The following OPCML variants were observed in gnomAD, a reference collection of about 807,000 sequenced individuals.
OPCML encodes the protein opioid-binding protein/cell adhesion molecule.
Under a neutral mutation model 37.8 loss-of-function variants are expected in OPCML, and 13 were observed. The ratio of observed to expected loss-of-function variants is 0.34; its 90% confidence interval spans 0.22 to 0.55. The LOEUF (loss-of-function observed/expected upper bound fraction) is 0.55, where lower values mean the gene tolerates loss of function less well. OPCML is among the 20% of genes least tolerant of loss of function. OPCML has a pLI of 0.91. For synonymous variants in OPCML, 176 were observed against 168.8 expected (o/e 1.04, Z -0.33); for missense variants, 341 against 435.6 (o/e 0.78, Z 1.93).
chr11:132,679,565 G>T (rs552226608), intron 2 of OPCML, among the ~76,000 whole-genome samples: 14 of 152,192 alleles, frequency 9.2e-5, no homozygotes, highest in Non-Finnish European at 1.9e-4. Context: ...GAAAATAGTT[G>T]CTTGATTGCC....
At chr11:132,532,484 A>C (rs531281969) in intron 3 of OPCML, among the ~76,000 whole-genome samples, 2 of 152,334 alleles carry the variant, frequency 1.3e-5, no homozygotes, top group African/African-American at 4.8e-5. Context: ...AAATGGTGAG[A>C]TAAATAGAAT....
intron 1 of OPCML, chr11:133,297,721 T>G (rs1431396977): frequency 6.6e-6 from 1 of 152,242 alleles, no homozygotes; most frequent in Non-Finnish European, 1.5e-5. Flanking sequence ...ATTTTCCTCC[T>G]GGTAAGTGTA....
At chr11:132,857,894 G>A (rs375511249) in intron 2 of OPCML, among the ~76,000 whole-genome samples, 6 of 152,180 alleles carry the variant, frequency 3.9e-5, no homozygotes, top group South Asian at 2.1e-4. Flanking sequence ...AAAAGGCCCC[G>A]AGACCACAGA....
chr11:133,050,890 G>A (rs10791273), intron 1 of OPCML, among the ~76,000 whole-genome samples: 127,903 of 152,070 alleles, frequency 0.84, 53,930 homozygotes, highest in Middle Eastern at 0.92. Flanking sequence ...GCTTCTTTTC[G>A]TGACAGTAAT....
At chr11:132,724,982 G>T (rs1277490141) in intron 2 of OPCML, among the ~76,000 whole-genome samples, 1 of 152,174 alleles carries the variant, frequency 6.6e-6, no homozygotes, top group East Asian at 1.9e-4. Flanking sequence ...CCACTTTCAT[G>T]GGCTGACGTT....
At chr11:133,157,269 T>C (rs1321721927) in intron 1 of OPCML, among the ~76,000 whole-genome samples, 10 of 152,160 alleles carry the variant, frequency 6.6e-5, no homozygotes, top group African/African-American at 1.2e-4. Context: ...AATTAAAAGC[T>C]GCGGATAAAA....
At chr11:132,731,421 G>T (rs1945071291) in intron 2 of OPCML, among the ~76,000 whole-genome samples, 1 of 152,146 alleles carries the variant, frequency 6.6e-6, no homozygotes, top group Non-Finnish European at 1.5e-5. Context: ...GGTTCTCTTA[G>T]ATAAGACTAA....
intron 1 of OPCML, chr11:133,360,860 CT>C (rs1944398082): frequency 2.0e-5 from 3 of 152,256 alleles, no homozygotes; most frequent in Admixed American, 2.0e-4. Context: ...CCGTTTCCTT[CT>C]CTTGGAAGTG....
At chr11:132,473,846 A>G (rs1373783532) in intron 4 of OPCML, among the ~76,000 whole-genome samples, 1 of 152,098 alleles carries the variant, frequency 6.6e-6, no homozygotes, top group East Asian at 1.9e-4. Flanking sequence ...CATAATCCAT[A>G]ACTACGTAAA....
intron 1 of OPCML, among the ~76,000 whole-genome samples, chr11:133,358,569 GC>G (rs1390466948): frequency 6.6e-6 from 1 of 152,182 alleles, no homozygotes; most frequent in African/African-American, 2.4e-5. Flanking sequence ...AGAGAAACTT[GC>G]TGTTTTCATG....
chr11:133,363,046 G>A (rs1421666120), intron 1 of OPCML, among the ~76,000 whole-genome samples: 1 of 152,194 alleles, frequency 6.6e-6, no homozygotes, highest in African/African-American at 2.4e-5. Flanking sequence ...AGGCCAGCCA[G>A]GCATGACAAG....
intron 2 of OPCML, among the ~76,000 whole-genome samples, chr11:132,890,696 A>T (rs1943607359): frequency 6.7e-6 from 1 of 150,266 alleles, no homozygotes; most frequent in South Asian, 2.1e-4. Flanking sequence ...AAAAAAAAAA[A>T]ATACAAAAAA....
chr11:133,470,884 C>T (rs1463945236), intron 1 of OPCML, among the ~76,000 whole-genome samples: 1 of 152,074 alleles, frequency 6.6e-6, no homozygotes, highest in Non-Finnish European at 1.5e-5. Context: ...CATTCAGGGT[C>T]AATCCAAACA....
chr11:132,502,555 G>T (rs1272026807), intron 4 of OPCML, among the ~76,000 whole-genome samples: 1 of 152,098 alleles, frequency 6.6e-6, no homozygotes, highest in Non-Finnish European at 1.5e-5. Context: ...ATGGGGCCAC[G>T]GAATACAGTT....
intron 1 of OPCML, among the ~76,000 whole-genome samples, chr11:133,408,410 C>A (rs549528243): frequency 6.6e-6 from 1 of 152,204 alleles, no homozygotes; most frequent in African/African-American, 2.4e-5. Context: ...AGAAAGATGG[C>A]GGGCTTGCTG....
At chr11:132,656,669 C>T (rs984801012) in intron 3 of OPCML, among the ~76,000 whole-genome samples, 12 of 152,096 alleles carry the variant, frequency 7.9e-5, no homozygotes, top group Admixed American at 2.6e-4. Context: ...AGCAACTGTG[C>T]GAAAACAGTC....
chr11:132,681,388 G>C (rs2135852827), intron 2 of OPCML, among the ~76,000 whole-genome samples: 1 of 152,314 alleles, frequency 6.6e-6, no homozygotes, highest in Non-Finnish European at 1.5e-5. Context: ...GAAGCAGCTG[G>C]ATGTCGGAGA....
At chr11:132,863,992 C>T (rs1280644250) in intron 2 of OPCML, among the ~76,000 whole-genome samples, 1 of 152,092 alleles carries the variant, frequency 6.6e-6, no homozygotes, top group East Asian at 1.9e-4. Flanking sequence ...GGCTGGAGTG[C>T]AATGGTGAGA....
At chr11:132,833,598 C>T (rs1421355835) in intron 2 of OPCML, among the ~76,000 whole-genome samples, 5 of 152,192 alleles carry the variant, frequency 3.3e-5, no homozygotes, top group Non-Finnish European at 7.3e-5. Context: ...CACTATAAAG[C>T]TTAATGTGCC....
Sources: gnomAD v4.1 joint callset for allele counts (sites outside exome capture counted in the v4.1 genomes callset) on GRCh38, gnomAD v4.1.1 for gene constraint, MANE v1.5 for transcripts, NCBI Gene and HGNC (gene_info 2026-07-23, HGNC 2026-07-21) for gene names.